Variants in TBC1D5 observed in about 807,000 individuals in gnomAD.
TBC1D5 encodes TBC1 domain family, member 5.
Under a neutral mutation model 100.3 loss-of-function variants are expected in TBC1D5, and 75 were observed. The ratio of observed to expected loss-of-function variants is 0.75; its 90% confidence interval spans 0.62 to 0.91. The LOEUF (loss-of-function observed/expected upper bound fraction) is 0.91, where lower values mean the gene tolerates loss of function less well. Among genes scored for constraint, TBC1D5 ranks in the 40% least tolerant of loss-of-function variants. The pLI, the probability that TBC1D5 is intolerant of heterozygous loss-of-function variation, is 0.00. For missense variants in TBC1D5, 910 were observed against 942.4 expected (o/e 0.97, Z 0.45); for synonymous variants, 323 against 325.6 (o/e 0.99, Z 0.09).
chr3:17,244,872 T>G (rs1198584310), intron 16 of TBC1D5, among the ~76,000 whole-genome samples: 1 of 151,976 alleles, frequency 6.6e-6, no homozygotes, highest in Admixed American at 6.6e-5. Context: ...ATAATCAGGA[T>G]ATACTTCTAT....
chr3:17,699,370 A>G (rs1445987267), intron 1 of TBC1D5, among the ~76,000 whole-genome samples: 2 of 68,998 alleles, frequency 2.9e-5, no homozygotes, highest in South Asian at 6.4e-4. Context: ...AGGAAGGGGA[A>G]CATCACACTC....
intron 2 of TBC1D5, among the ~76,000 whole-genome samples, chr3:17,599,611 T>C (rs1248537505): frequency 6.6e-6 from 1 of 152,130 alleles, no homozygotes; most frequent in African/African-American, 2.4e-5. Context: ...CACCCTGACT[T>C]TCCATTGAGC....
chr3:17,653,561 T>A (rs1056546037), intron 1 of TBC1D5, among the ~76,000 whole-genome samples: 5 of 152,134 alleles, frequency 3.3e-5, no homozygotes, highest in Non-Finnish European at 5.9e-5. Context: ...ACTAAAGAAC[T>A]ATCACACACT....
chr3:17,372,196 C>G, exon 13 of TBC1D5: 1 of 1,613,594 alleles, frequency 6.2e-7, no homozygotes, highest in Non-Finnish European at 8.5e-7. Flanking sequence ...ATTGTTGGCC[C>G]TAAATCTTGT....
chr3:17,334,931 G>A (rs891471372), intron 13 of TBC1D5, among the ~76,000 whole-genome samples: 1 of 151,946 alleles, frequency 6.6e-6, no homozygotes, highest in Non-Finnish European at 1.5e-5. Flanking sequence ...TACAGATAAG[G>A]CACAGATAAG....
chr3:17,317,081 C>T (rs1219871839), intron 13 of TBC1D5, among the ~76,000 whole-genome samples: 3 of 152,148 alleles, frequency 2.0e-5, no homozygotes, highest in Non-Finnish European at 4.4e-5. Flanking sequence ...GTGCCCCCTC[C>T]ACGCTAAATC....
chr3:17,479,219 C>T (rs2095472981), intron 3 of TBC1D5, among the ~76,000 whole-genome samples: 1 of 151,826 alleles, frequency 6.6e-6, no homozygotes. Context: ...GGGCAAAGTA[C>T]TGAGACCCTG....
intron 15 of TBC1D5, among the ~76,000 whole-genome samples, chr3:17,284,117 C>A (rs935527522): frequency 2.0e-5 from 3 of 151,400 alleles, no homozygotes; most frequent in Admixed American, 2.0e-4. Context: ...CACACACACA[C>A]ACACACGTAT....
At chr3:17,432,751 A>G (rs1282822348) in intron 3 of TBC1D5, among the ~76,000 whole-genome samples, 2 of 152,120 alleles carry the variant, frequency 1.3e-5, no homozygotes, top group African/African-American at 4.8e-5. Flanking sequence ...GGACATTTTA[A>G]TTTGAGAAAA....
chr3:17,671,634 C>A (rs1037442639), intron 1 of TBC1D5, among the ~76,000 whole-genome samples: 1 of 152,166 alleles, frequency 6.6e-6, no homozygotes, highest in Non-Finnish European at 1.5e-5. Flanking sequence ...AGGACAATTA[C>A]AAACTCCTGT....
intron 2 of TBC1D5, among the ~76,000 whole-genome samples, chr3:17,527,465 T>C (rs939453502): frequency 6.6e-6 from 1 of 152,148 alleles, no homozygotes; most frequent in Non-Finnish European, 1.5e-5. Context: ...CACAGTGGCA[T>C]GGAAAGCCAT....
chr3:17,435,075 T>C (rs2094511478), intron 3 of TBC1D5, among the ~76,000 whole-genome samples: 1 of 152,206 alleles, frequency 6.6e-6, no homozygotes, highest in Non-Finnish European at 1.5e-5. Context: ...TTATTGTCCA[T>C]ATCACTATCA....
chr3:17,720,350 T>C (rs981168380), intron 1 of TBC1D5, among the ~76,000 whole-genome samples: 2 of 152,218 alleles, frequency 1.3e-5, no homozygotes, highest in Non-Finnish European at 2.9e-5. Flanking sequence ...CTTTATAATA[T>C]TCTTAAATTT....
At chr3:17,664,699 G>A (rs2067042124) in intron 1 of TBC1D5, among the ~76,000 whole-genome samples, 2 of 152,126 alleles carry the variant, frequency 1.3e-5, no homozygotes, top group South Asian at 4.2e-4. Flanking sequence ...ACACATTATA[G>A]GACAAAAGAA....
intron 1 of TBC1D5, among the ~76,000 whole-genome samples, chr3:17,628,373 GAA>G (rs34506883): frequency 8.2e-6 from 1 of 122,352 alleles, no homozygotes. Context: ...TCTGTCTTAG[GAA>G]AAAAAAAAAA....
intron 17 of TBC1D5, among the ~76,000 whole-genome samples, chr3:17,221,045 A>T (rs1308152273): frequency 6.6e-6 from 1 of 152,044 alleles, no homozygotes; most frequent in African/African-American, 2.4e-5. Flanking sequence ...TCCCTTATTA[A>T]GGATTTCTAC....
At chr3:17,213,733 C>CAAAAAAAAAA (rs71632897) in intron 18 of TBC1D5, among the ~76,000 whole-genome samples, 1 of 61,050 alleles carries the variant, frequency 1.6e-5, no homozygotes, top group Non-Finnish European at 3.0e-5. Flanking sequence ...GACTCTGTCT[C>CAAAAAAAAAA]AAAAAAAAAA....
intron 1 of TBC1D5, among the ~76,000 whole-genome samples, chr3:17,737,493 G>GT (rs959166874): frequency 2.6e-5 from 4 of 152,218 alleles, no homozygotes; most frequent in Admixed American, 2.0e-4. Flanking sequence ...TTCATCATTT[G>GT]TTTTTATAAA....
chr3:17,624,227 T>C (rs183635425), intron 1 of TBC1D5, among the ~76,000 whole-genome samples: 3 of 152,350 alleles, frequency 2.0e-5, no homozygotes, highest in African/African-American at 7.2e-5. Context: ...AATTAGATAG[T>C]AATTCTCTTT....
Sources: allele counts gnomAD v4.1 joint callset (sites outside exome capture counted in the v4.1 genomes callset), GRCh38; gene constraint gnomAD v4.1.1; transcripts MANE v1.5; gene names NCBI Gene and HGNC (gene_info 2026-07-23, HGNC 2026-07-21).